Variants in AIF1 observed in about 807,000 individuals in gnomAD.
The protein encoded by AIF1 is allograft inflammatory factor 1.
Under a neutral mutation model 20.6 loss-of-function variants are expected in AIF1, and 21 were observed. The ratio of observed to expected loss-of-function variants is 1.02; its 90% CI spans 0.72 to 1.47. The LOEUF (loss-of-function observed/expected upper bound fraction) is 1.47. Ranked by LOEUF, AIF1 falls within the 40% of genes most tolerant of loss-of-function variation. The pLI is 0.00. For synonymous variants in AIF1, 52 were observed against 65.8 expected, an observed-to-expected ratio of 0.79 and a Z score of 1.01; for missense variants, 161 against 170.5, an observed-to-expected ratio of 0.94 and a Z score of 0.31.
At chr6:31,615,921 C>CCTCTAGCT in intron 3 of AIF1, 183 bp from the exon 4 acceptor site, 1 of 1,477,374 alleles carries the variant, frequency 6.8e-7, no homozygotes, top group Non-Finnish European at 9.0e-7. Flanking sequence ...CTCAGCATCC[C>CCTCTAGCT]CTCTAGCTCC....
At position 31,616,072 on chromosome 6, in the gene AIF1, G is replaced by A. The variant is rs752239812; in HGVS notation, c.155-32G>A. The A allele has an allele frequency of 3.2e-6, 5 of 1,548,568 alleles. No individual in the cohort carries two copies. Among genetic ancestry groups the A allele is most frequent in the Admixed American group, 1.9e-5 (1 of 51,798 alleles). On this transcript the variant is annotated intron_variant, in intron 3 of 5. Coordinates refer to ENST00000376059, the MANE Select transcript of AIF1 (RefSeq NM_001623.5). The surrounding 1 kb of genome is among the most constrained non-coding windows in gnomAD (Gnocchi z 4.0). Reference sequence around the variant, plus strand: ...CCCTGCTGAAAACCCTCCAGTCAGCGCTTATCCCTTCTGCTCTCTCCCCTC... The same window carrying A: ...CCCTGCTGAAAACCCTCCAGTCAGCACTTATCCCTTCTGCTCTCTCCCCTC...
intron 1 of AIF1, 58 bp from the exon 2 acceptor site, chr6:31,615,463 G>A: frequency 3.1e-6 from 5 of 1,613,794 alleles, no homozygotes; most frequent in Non-Finnish European, 4.2e-6. Flanking sequence ...CCGGGCTGGT[G>A]TCAGGGTAAG....
In AIF1 at chr6:31,615,709, C is replaced by G. The variant is rs146806048; in HGVS notation, c.127C>G (p.Leu43Val). The G allele has an allele frequency of 7.0e-5, 113 of 1,611,790 alleles. 1 individual carries two copies. The highest frequency in any genetic ancestry group is 9.2e-5 in the Non-Finnish European group (109 of 1,179,258). The change falls in exon 3 of 6, where the codon CTG (leucine) becomes GTG (valine). Residue 43 changes from leucine (L) to valine (V), a missense_variant. Coordinates refer to ENST00000376059, the MANE Select transcript of AIF1 (RefSeq NM_001623.5). The stretch of plus-strand genomic sequence containing the variant: ...TCCCAAATATAGCAGTGATGAGGAT[C>G]TGCCCTCCAAACTGGAAGGCTTCAA... Reference protein sequence around the residue: ...DDPKYSSDEDLPSKLEGFKEK... With the variant: ...DDPKYSSDEDVPSKLEGFKEK...
chr6:31,615,678 A>G lies in AIF1; in HGVS notation c.96A>G (p.Leu32=). Residue 32 remains leucine, a synonymous_variant, in exon 3 of 6, where the codon CTA becomes CTG. Transcript: ENST00000376059. ...ERLDEINKQF[L]DDPKYSSDED... Reference sequence around the variant, plus strand: ...TATTTTCCCCTCCATAGCAATTCCTAGACGATCCCAAATATAGCAGTGATG... The same window carrying G: ...TATTTTCCCCTCCATAGCAATTCCTGGACGATCCCAAATATAGCAGTGATG... 1 of 1,613,164 alleles carries G rather than the reference A, an allele frequency of 6.2e-7. No homozygotes were observed. The highest frequency in any genetic ancestry group is 8.5e-7 in the Non-Finnish European group (1 of 1,179,846).
chr6:31,615,630 TG>T (rs774182160), intron 2 of AIF1, 39 bp from the exon 3 acceptor site: 1 of 1,611,800 alleles, frequency 6.2e-7, no homozygotes, highest in South Asian at 1.1e-5. Context: ...GGGGCGTGGA[TG>T]GGGAGGGCCT....
chr6:31,616,258 G>A lies in AIF1; in HGVS notation c.197-86G>A. 6.2e-7 allele frequency: 1 copy of A among 1,613,026 alleles called. No individual in the cohort carries two copies. Among genetic ancestry groups the A allele is most frequent in the Non-Finnish European group, 8.5e-7 (1 of 1,179,962 alleles). ...TGGGAGGGGGCCCACCTACCACAGT[G>A]GGAGGAAGGAGAATGGGGATGCGGA... On this transcript the variant is annotated intron_variant, in intron 4 of 5. Transcript: ENST00000376059. The surrounding 1 kb of genome is among the most constrained non-coding windows in gnomAD (Gnocchi z 4.0).
Position 31,616,344 on chromosome 6 carries a change from A to AT in AIF1, c.198dup (p.Ile67TyrfsTer39), listed in dbSNP as rs1375740902. 1.9e-6 allele frequency: 3 copies of AT among 1,612,782 alleles called. No individual in the cohort carries two copies. The Admixed American group carries it at 5.0e-5, about 27-fold the overall frequency. The stretch of plus-strand genomic sequence containing the variant: ...CCCCATCCCCATCCTCTGCCCCCAG[A>AT]TATCATGTCCCTGAAACGAATGCTG... On this transcript the variant is annotated frameshift_variant and splice_region_variant, in exon 5 of 6. Coordinates refer to ENST00000376059, the MANE Select transcript of AIF1 (RefSeq NM_001623.5). LOFTEE classifies it high-confidence loss of function. The surrounding 1 kb of genome is among the most constrained non-coding windows in gnomAD (Gnocchi z 4.0).
Position 31,616,989 on chromosome 6 carries a change from A to C in AIF1, c.*89A>C. 6.6e-7 allele frequency: 1 copy of C among 1,523,458 alleles called. No individual in the cohort carries two copies. The highest frequency in any genetic ancestry group is 8.9e-7 in the Non-Finnish European group (1 of 1,118,228). The allele number at this position is 1,523,458 out of a possible 1,614,324, so 94.4% of individuals were successfully genotyped here. A position where few individuals can be genotyped will look rare whatever the true frequency, so the allele number is the denominator to read the frequency against. ...GACAAAATTGTAAGCCAGAGTCAACAAATTAAATAAATTACCCCCTCCTCC... is the reference window on the plus strand; with the variant it reads ...GACAAAATTGTAAGCCAGAGTCAACCAATTAAATAAATTACCCCCTCCTCC... On this transcript the variant is annotated 3_prime_UTR_variant, in exon 6 of 6. Coordinates refer to ENST00000376059, the MANE Select transcript of AIF1 (RefSeq NM_001623.5). The surrounding 1 kb of genome is among the most constrained non-coding windows in gnomAD (Gnocchi z 4.0).
Position 31,616,591 on chromosome 6 carries a change from A to G in AIF1, c.359+85A>G. 1 of 1,527,424 alleles carries G rather than the reference A, an allele frequency of 6.5e-7. No individual in the cohort carries two copies. Among genetic ancestry groups the G allele is most frequent in the Non-Finnish European group, 8.8e-7 (1 of 1,138,836 alleles). 94.6% of individuals were successfully genotyped at this position (1,527,424 alleles called of 1,614,324 possible). On this transcript the variant is annotated intron_variant, in intron 5 of 5. Coordinates refer to ENST00000376059, the MANE Select transcript of AIF1 (RefSeq NM_001623.5). This position sits in a 1 kb window ranked among gnomAD's most constrained non-coding sequence, Gnocchi z 4.0. The stretch of plus-strand genomic sequence containing the variant: ...CCTTGTCCACAGGCTCAACATTTCT[A>G]CACGTTGCCCATCATCCCTTCTTCC...
In AIF1 at chr6:31,616,556, C is replaced by A. The variant is rs925298511; in HGVS notation, c.359+50C>A. The A allele has an allele frequency of 1.3e-6, 2 of 1,551,454 alleles. No individual in the cohort carries two copies. The highest frequency in any genetic ancestry group is 1.7e-6 in the Non-Finnish European group (2 of 1,150,206). ...CTGTACTTACCTGTTTTCTCCTCCC[C>A]CATCCCTACCCTTGTCCACAGGCTC... On this transcript the variant is annotated intron_variant, in intron 5 of 5. Coordinates refer to ENST00000376059, the MANE Select transcript of AIF1 (RefSeq NM_001623.5). The surrounding 1 kb of genome is among the most constrained non-coding windows in gnomAD (Gnocchi z 4.0).
At chr6:31,615,931 C>T in intron 3 of AIF1, 173 bp from the exon 4 acceptor site, 1 of 1,476,866 alleles carries the variant, frequency 6.8e-7, no homozygotes, top group Middle Eastern at 2.5e-4. Context: ...CCTCTAGCTC[C>T]TTACACCCTA....
chr6:31,615,947 G>T, intron 3 of AIF1, 157 bp from the exon 4 acceptor site: 1 of 1,482,330 alleles, frequency 6.7e-7, no homozygotes, highest in Non-Finnish European at 8.9e-7. Context: ...CCCTAGCGGG[G>T]CCCCTCAACT....
intron 2 of AIF1, 38 bp from the exon 3 acceptor site, chr6:31,615,632 G>T (rs1774265008): frequency 6.2e-7 from 1 of 1,613,252 alleles, no homozygotes; most frequent in Non-Finnish European, 8.5e-7. Flanking sequence ...GGCGTGGATG[G>T]GGAGGGCCTA....
chr6:31,615,420 G>A, intron 1 of AIF1, 66 bp downstream of exon 1: 1 of 1,613,578 alleles, frequency 6.2e-7, no homozygotes, highest in South Asian at 1.1e-5. Flanking sequence ...CTGGGCTGTG[G>A]GCTAGGAGGG....
At chr6:31,615,451 G>A (rs1198383514) in intron 1 of AIF1, 70 bp from the exon 2 acceptor site, 7 of 1,613,514 alleles carry the variant, frequency 4.3e-6, no homozygotes, top group Non-Finnish European at 5.9e-6. Context: ...GCCTAGGGTA[G>A]CCCGGGCTGG....
At position 31,616,768 on chromosome 6, in the gene AIF1, T is replaced by G; in HGVS notation, c.360-48T>G. On this transcript the variant is annotated intron_variant, in intron 5 of 5. Transcript: ENST00000376059. This position sits in a 1 kb window ranked among gnomAD's most constrained non-coding sequence, Gnocchi z 4.0. The stretch of plus-strand genomic sequence containing the variant: ...TCCTAGCACCCTATGATTTATTCCC[T>G]TGAGAGGAGTGTTCCCTGATCCCTG... The G allele has an allele frequency of 6.2e-7, 1 of 1,613,606 alleles. No homozygotes were observed.
Position 31,616,130 on chromosome 6 carries a change from G to A in AIF1, c.181G>A (p.Gly61Arg), listed in dbSNP as rs781443488. Reference sequence around the variant, plus strand: ...GAAATACATGGAGTTTGACCTTAATGGAAATGGCGATATTGGTGAGAAACG... The same window carrying A: ...GAAATACATGGAGTTTGACCTTAATAGAAATGGCGATATTGGTGAGAAACG... ...KEKYMEFDLN[G>R]NGDIDIMSLK... The change falls in exon 4 of 6, where the codon GGA becomes AGA. Residue 61 changes from glycine to arginine, a missense_variant. Transcript: ENST00000376059. The surrounding 1 kb of genome is among the most constrained non-coding windows in gnomAD (Gnocchi z 4.0). 15 of 1,604,916 alleles carry A rather than the reference G, an allele frequency of 9.3e-6. No individual in the cohort carries two copies. Among genetic ancestry groups the A allele is most frequent in the Non-Finnish European group, 1.3e-5 (15 of 1,175,300 alleles).
rs149845947 is a variant in AIF1 at position 31,616,447 on chromosome 6, G to A, written c.300G>A (p.Thr100=). The A allele has an allele frequency of 6.8e-6, 11 of 1,612,868 alleles. No individual in the cohort carries two copies. The East Asian group carries it at 1.3e-4, about 20-fold the overall frequency. ...AGGTGTCCAGTGGCTCCGGGGAGAC[G>A]TTCAGCTACCCTGACTTTCTCAGGA... The part of the protein sequence containing the change: ...IGEVSSGSGE[T]FSYPDFLRMM... Residue 100 remains threonine (T), a synonymous_variant, in exon 5 of 6, where the codon ACG becomes ACA. Transcript: ENST00000376059. The surrounding 1 kb of genome is among the most constrained non-coding windows in gnomAD (Gnocchi z 4.0).
At chr6:31,615,443 C>T in intron 1 of AIF1, 78 bp from the exon 2 acceptor site, 2 of 1,613,422 alleles carry the variant, frequency 1.2e-6, no homozygotes, top group South Asian at 2.2e-5. Context: ...GTCAGCTGGC[C>T]TAGGGTAGCC....
Sources: gnomAD v4.1 joint callset for allele counts on GRCh38, gnomAD v4.1.1 for gene constraint, Gnocchi (gnomAD v3.1) non-coding constraint, MANE v1.5 for transcripts, NCBI Gene and HGNC (gene_info 2026-07-23, HGNC 2026-07-21) for gene names.